Variants in SMAP1 observed in about 807,000 individuals in gnomAD.
SMAP1 encodes small ArfGAP 1.
A neutral mutation model predicts 58.5 loss-of-function variants in SMAP1; 24 were observed. The observed-to-expected ratio is 0.41, with a 90% CI of 0.30 to 0.58. SMAP1 has a LOEUF of 0.58. SMAP1 is among the 20% of genes least tolerant of loss of function. The pLI is 0.29. For synonymous variants in SMAP1, 216 were observed against 196.6 expected (o/e 1.10, Z -0.82); for missense variants, 563 against 566.3 (o/e 0.99, Z 0.06).
intron 2 of SMAP1, among the ~76,000 whole-genome samples, chr6:70,745,766 G>T (rs1219770439): frequency 1.3e-5 from 2 of 152,198 alleles, no homozygotes; most frequent in Non-Finnish European, 2.9e-5. Flanking sequence ...ACCTTGGGCA[G>T]TATGGCCATT....
rs1766098945 is a variant in SMAP1 at position 70,668,009 on chromosome 6, C to A, written c.-15C>A. On this transcript the variant is annotated 5_prime_UTR_variant, in exon 1 of 11. Coordinates refer to ENST00000370455, the MANE Select transcript of SMAP1 (RefSeq NM_001044305.3). ...GCCGCCGTAGCTGCCCCAGGCTCCCCGCCCCGCTGCCGAGATGGCGACGCG... is the reference window on the plus strand; with the variant it reads ...GCCGCCGTAGCTGCCCCAGGCTCCCAGCCCCGCTGCCGAGATGGCGACGCG... 6.3e-7 allele frequency: 1 copy of A among 1,577,876 alleles called. No individual in the cohort carries two copies. The highest frequency in any genetic ancestry group is 1.4e-5 in the African/African-American group (1 of 72,170).
chr6:70,826,934 C>CAAAAAAAAAA (rs61069311), intron 6 of SMAP1, among the ~76,000 whole-genome samples: 11 of 76,608 alleles, frequency 1.4e-4, no homozygotes, highest in African/African-American at 4.5e-4. Context: ...AACCGTGTCT[C>CAAAAAAAAAA]AAAAAAAAAA....
intron 1 of SMAP1, among the ~76,000 whole-genome samples, chr6:70,673,802 G>A (rs1370563740): frequency 6.6e-6 from 1 of 152,196 alleles, no homozygotes; most frequent in Non-Finnish European, 1.5e-5. Flanking sequence ...TATCAGAGCT[G>A]AGATGGAAAT....
At chr6:70,787,697 AAAT>A (rs1178488912) in intron 4 of SMAP1, among the ~76,000 whole-genome samples, 3 of 151,930 alleles carry the variant, frequency 2.0e-5, no homozygotes, top group African/African-American at 7.2e-5. Context: ...ACACATGAAA[AAAT>A]GCTCATCATC....
intron 3 of SMAP1, among the ~76,000 whole-genome samples, chr6:70,758,981 A>G (rs183177161): frequency 1.2e-3 from 185 of 152,248 alleles, no homozygotes; most frequent in Non-Finnish European, 1.9e-3. Flanking sequence ...GGCTGGAAAC[A>G]TGAGTCTGGA....
chr6:70,795,763 G>A (rs1286009421), intron 5 of SMAP1, among the ~76,000 whole-genome samples: 4 of 150,884 alleles, frequency 2.7e-5, no homozygotes, highest in Admixed American at 6.6e-5. Flanking sequence ...TTGAGATGGA[G>A]TTTTGCTCTT....
chr6:70,794,795 T>C (rs9455229), intron 5 of SMAP1, among the ~76,000 whole-genome samples: 1 of 148,062 alleles, frequency 6.8e-6, no homozygotes, highest in African/African-American at 2.6e-5. Flanking sequence ...TTTCTTTTTT[T>C]TTTTTTTTTT....
At chr6:70,801,525 T>G (rs940173251) in intron 6 of SMAP1, among the ~76,000 whole-genome samples, 3 of 152,164 alleles carry the variant, frequency 2.0e-5, no homozygotes, top group African/African-American at 7.2e-5. Context: ...TTAATTAGAT[T>G]CCGTTTGTCA....
At chr6:70,788,431 C>A (rs1398886816) in intron 4 of SMAP1, among the ~76,000 whole-genome samples, 1 of 151,510 alleles carries the variant, frequency 6.6e-6, no homozygotes, top group Non-Finnish European at 1.5e-5. Context: ...GCGCATGTAC[C>A]CTACAACTTA....
chr6:70,701,798 C>T (rs777511758), intron 1 of SMAP1, among the ~76,000 whole-genome samples: 3 of 152,164 alleles, frequency 2.0e-5, no homozygotes, highest in Non-Finnish European at 4.4e-5. Flanking sequence ...CCCCTTTTCT[C>T]AATATGATAT....
intron 6 of SMAP1, among the ~76,000 whole-genome samples, chr6:70,833,072 CTG>C (rs1411703823): frequency 1.3e-5 from 2 of 152,030 alleles, no homozygotes; most frequent in East Asian, 1.9e-4. Context: ...TTCAAGAAAA[CTG>C]TATAGAAAAT....
intron 4 of SMAP1, among the ~76,000 whole-genome samples, chr6:70,774,747 C>T (rs147526126): frequency 1.6e-4 from 24 of 150,128 alleles, no homozygotes; most frequent in East Asian, 9.7e-4. Context: ...ATTTTTTTTT[C>T]GACTGGGCAT....
intron 7 of SMAP1, among the ~76,000 whole-genome samples, chr6:70,846,061 G>A (rs2150005213): frequency 6.6e-6 from 1 of 152,312 alleles, no homozygotes; most frequent in South Asian, 2.1e-4. Flanking sequence ...GAATGTGGCT[G>A]TAAACTCTAA....
chr6:70,856,215 TTGAGAA>T (rs1462153532), intron 8 of SMAP1, among the ~76,000 whole-genome samples: 1 of 152,216 alleles, frequency 6.6e-6, no homozygotes, highest in East Asian at 1.9e-4. Context: ...AGATATGAGA[TTGAGAA>T]TATTTTATAT....
chr6:70,789,976 C>A (rs1768272928), intron 4 of SMAP1, among the ~76,000 whole-genome samples: 1 of 152,070 alleles, frequency 6.6e-6, no homozygotes. Context: ...AGGACAAGCA[C>A]TTATATAATG....
Position 70,860,352 on chromosome 6 carries a change from T to G in SMAP1, c.*18T>G, listed in dbSNP as rs746547852. 6.3e-7 allele frequency: 1 copy of G among 1,598,898 alleles called. No homozygotes were observed. Among genetic ancestry groups the G allele is most frequent in the South Asian group, 1.1e-5 (1 of 88,062 alleles). On this transcript the variant is annotated 3_prime_UTR_variant, in exon 11 of 11. Coordinates refer to ENST00000370455, the MANE Select transcript of SMAP1 (RefSeq NM_001044305.3). Reference sequence around the variant, plus strand: ...GGAAATGAAAACTGCAATACAAGTTTCATCCAGAACTACCACCTGACATTC... The same window carrying G: ...GGAAATGAAAACTGCAATACAAGTTGCATCCAGAACTACCACCTGACATTC...
At chr6:70,763,090 C>T (rs1161764753) in intron 3 of SMAP1, among the ~76,000 whole-genome samples, 1 of 135,988 alleles carries the variant, frequency 7.4e-6, no homozygotes, top group Non-Finnish European at 1.6e-5. Context: ...GCTTTATTTG[C>T]ACTGTACAGA....
intron 1 of SMAP1, among the ~76,000 whole-genome samples, chr6:70,714,797 G>C (rs1398317460): frequency 6.6e-6 from 1 of 152,092 alleles, no homozygotes; most frequent in African/African-American, 2.4e-5. Context: ...AGGAATAGTG[G>C]ATAAAGTACC....
At chr6:70,797,700 A>T (rs922411339) in intron 5 of SMAP1, among the ~76,000 whole-genome samples, 1 of 152,098 alleles carries the variant, frequency 6.6e-6, no homozygotes, top group Non-Finnish European at 1.5e-5. Flanking sequence ...TGCATCAGAC[A>T]CCATTTTAAA....
Sources: gnomAD v4.1 joint callset for allele counts (sites outside exome capture counted in the v4.1 genomes callset) on GRCh38, gnomAD v4.1.1 for gene constraint, MANE v1.5 for transcripts, NCBI Gene and HGNC (gene_info 2026-07-23, HGNC 2026-07-21) for gene names.